TMEM233: variants seen among roughly 807,000 people sequenced by gnomAD.
TMEM233 encodes the protein transmembrane protein 233.
A neutral mutation model predicts 11.2 loss-of-function variants in TMEM233; 6 were observed. The observed-to-expected ratio is 0.54, with a 90% CI of 0.29 to 1.06. TMEM233 has a LOEUF of 1.06. Ranked by LOEUF, TMEM233 falls within the 50% of genes least tolerant of loss-of-function variation. The pLI, the probability that TMEM233 is intolerant of heterozygous loss-of-function variation, is 0.08. For missense variants in TMEM233, 127 were observed against 144.7 expected (o/e 0.88, Z 0.63); for synonymous variants, 59 against 55.8 (o/e 1.06, Z -0.26).
At chr12:119,609,285 T>G (rs148569116) in intron 1 of TMEM233, among the ~76,000 whole-genome samples, 1 of 152,310 alleles carries the variant, frequency 6.6e-6, no homozygotes, top group East Asian at 1.9e-4. Flanking sequence ...ATTTAGGGTA[T>G]CTGGCAGAAG....
chr12:119,635,026 C>A (rs1031180026), intron 2 of TMEM233, among the ~76,000 whole-genome samples: 1 of 152,168 alleles, frequency 6.6e-6, no homozygotes, highest in African/African-American at 2.4e-5. Context: ...CATGAACTTG[C>A]AGTCTTTCAA....
At chr12:119,634,871 A>T (rs1954943596) in intron 2 of TMEM233, among the ~76,000 whole-genome samples, 1 of 152,206 alleles carries the variant, frequency 6.6e-6, no homozygotes, top group Non-Finnish European at 1.5e-5. Context: ...ATATCTATGT[A>T]AGCCACATGG....
intron 1 of TMEM233, among the ~76,000 whole-genome samples, chr12:119,618,534 T>C (rs1263818419): frequency 6.6e-6 from 1 of 151,712 alleles, no homozygotes; most frequent in African/African-American, 2.4e-5. Context: ...AGGGGTGGAG[T>C]TGTCCAAGGC....
At chr12:119,625,513 G>A (rs1169354315) in intron 1 of TMEM233, among the ~76,000 whole-genome samples, 1 of 152,062 alleles carries the variant, frequency 6.6e-6, no homozygotes, top group Admixed American at 6.6e-5. Context: ...TAGACTACAG[G>A]TGTGCGCATA....
chr12:119,601,649 T>A (rs547721074), intron 1 of TMEM233, among the ~76,000 whole-genome samples: 2 of 102,174 alleles, frequency 2.0e-5, no homozygotes, highest in Middle Eastern at 6.3e-3. Context: ...CAGAGCGAGA[T>A]TCCGCCTCAA....
intron 1 of TMEM233, among the ~76,000 whole-genome samples, chr12:119,625,822 A>T (rs1954744234): frequency 6.6e-6 from 1 of 152,200 alleles, no homozygotes; most frequent in African/African-American, 2.4e-5. Flanking sequence ...GTAGAAAAAA[A>T]AATTCTCTTG....
chr12:119,630,933 T>G (rs1954867046), intron 2 of TMEM233, among the ~76,000 whole-genome samples: 1 of 152,226 alleles, frequency 6.6e-6, no homozygotes, highest in Non-Finnish European at 1.5e-5. Context: ...AGCTCTCATC[T>G]CATGAAGAGA....
intron 1 of TMEM233, among the ~76,000 whole-genome samples, chr12:119,597,693 A>G (rs1232630508): frequency 6.6e-6 from 1 of 152,190 alleles, no homozygotes; most frequent in Non-Finnish European, 1.5e-5. Flanking sequence ...CCTGGGGGTT[A>G]GGAGGTGGCA....
intron 2 of TMEM233, chr12:119,631,506 C>T: frequency 1.0e-6 from 1 of 985,408 alleles, no homozygotes; most frequent in Non-Finnish European, 1.2e-6. Flanking sequence ...GAAAAGGACA[C>T]TCAAACATGA....
downstream of TMEM233, among the ~76,000 whole-genome samples, chr12:119,646,523 G>T (rs1255170400): frequency 6.6e-6 from 1 of 152,256 alleles, no homozygotes; most frequent in East Asian, 1.9e-4. Flanking sequence ...CTTTCTGGAA[G>T]TTCGTAGAGA....
At chr12:119,619,901 A>G (rs1297044003) in intron 1 of TMEM233, among the ~76,000 whole-genome samples, 1 of 152,184 alleles carries the variant, frequency 6.6e-6, no homozygotes, top group Non-Finnish European at 1.5e-5. Flanking sequence ...GCTGGTTCAT[A>G]ATATGTAAAA....
chr12:119,617,979 G>A (rs1954569039), intron 1 of TMEM233, among the ~76,000 whole-genome samples: 2 of 152,208 alleles, frequency 1.3e-5, no homozygotes, highest in Admixed American at 6.5e-5. Flanking sequence ...CCCATCACAG[G>A]CCTGGAGGCC....
chr12:119,615,293 C>G (rs1329356531), intron 1 of TMEM233, among the ~76,000 whole-genome samples: 1 of 151,494 alleles, frequency 6.6e-6, no homozygotes, highest in Non-Finnish European at 1.5e-5. Context: ...TTTATCTCCA[C>G]CAGAAAGTAA....
At chr12:119,599,856 G>C (rs10774504) in intron 1 of TMEM233, among the ~76,000 whole-genome samples, 117,036 of 151,998 alleles carry the variant, frequency 0.77, 45,176 homozygotes, top group Middle Eastern at 0.86. Flanking sequence ...CAGAATGACT[G>C]TGGACACCAG....
rs145382627 is a variant in TMEM233 at position 119,630,023 on chromosome 12, C to G, written c.323+151C>G. 3.4e-3 allele frequency among the ~76,000 whole-genome samples: 524 copies of G among 152,308 alleles called. 6 individuals carry two copies. Among genetic ancestry groups the G allele is most frequent in the Middle Eastern group, 0.017 (5 of 294 alleles). On this transcript the variant is annotated intron_variant, in intron 2 of 2. Coordinates refer to ENST00000426426, the MANE Select transcript of TMEM233 (RefSeq NM_001136534.3). ...TTCTCAGAATAAATTTGTCCCAGTC[C>G]AGAGGGACATATCAACAGTGTGGAT...
Position 119,625,827 on chromosome 12 carries a change from C to A in TMEM233, c.187-3909C>A, listed in dbSNP as rs550798250. Among the ~76,000 whole-genome samples the A allele has an allele frequency of 1.5e-4, 23 of 152,218 alleles. No homozygotes were observed. In the East Asian group the frequency reaches 2.7e-3, roughly 18 times the overall value. On this transcript the variant is annotated intron_variant, in intron 1 of 2. Transcript: ENST00000426426. Reference sequence around the variant, plus strand: ...TGTATCTTCTGTAGAAAAAAAAATTCTCTTGTGTAACTAAAATACAAATAT... The same window carrying A: ...TGTATCTTCTGTAGAAAAAAAAATTATCTTGTGTAACTAAAATACAAATAT...
At chr12:119,612,862 G>A (rs1417059043) in intron 1 of TMEM233, among the ~76,000 whole-genome samples, 1 of 152,040 alleles carries the variant, frequency 6.6e-6, no homozygotes, top group East Asian at 1.9e-4. Flanking sequence ...CAAGGCTGCA[G>A]TGAGCCATGA....
At chr12:119,629,497 G>A (rs1021007947) in intron 1 of TMEM233, among the ~76,000 whole-genome samples, 13 of 152,192 alleles carry the variant, frequency 8.5e-5, no homozygotes, top group Admixed American at 1.3e-4. Context: ...ATCTTGTTAC[G>A]TAAATGCTAA....
rs181762846 is a variant in TMEM233, at chr12:119,594,710, C to T, written c.186+676C>T. Reference sequence around the variant, plus strand: ...CCTACACCCAACTTCCTCTCCTTGCCTCCCTCCGGCGCCCCCTTTTTAACG... The same window carrying T: ...CCTACACCCAACTTCCTCTCCTTGCTTCCCTCCGGCGCCCCCTTTTTAACG... On this transcript the variant is annotated intron_variant, in intron 1 of 2. Coordinates refer to ENST00000426426, the MANE Select transcript of TMEM233 (RefSeq NM_001136534.3). The surrounding 1 kb of genome is among the most constrained non-coding windows in gnomAD (Gnocchi z 5.6). 2.0e-5 allele frequency among the ~76,000 whole-genome samples: 3 copies of T among 152,270 alleles called. No individual in the cohort carries two copies. In the East Asian group the frequency reaches 5.8e-4, roughly 30 times the overall value.
Sources: gnomAD v4.1 joint callset for allele counts (sites outside exome capture counted in the v4.1 genomes callset) on GRCh38, gnomAD v4.1.1 for gene constraint, Gnocchi (gnomAD v3.1) non-coding constraint, MANE v1.5 for transcripts, NCBI Gene and HGNC (gene_info 2026-07-23, HGNC 2026-07-21) for gene names.